Variants in NRG1 observed in about 807,000 individuals in gnomAD.
NRG1 encodes the protein pro-neuregulin-1, membrane-bound isoform.
NRG1 carries 18 observed loss-of-function variants against 63.8 expected under a neutral mutation model. That is an observed-to-expected ratio of 0.28 (90% confidence interval 0.19 to 0.42). The LOEUF is 0.42. Among genes scored for constraint, NRG1 ranks in the 10% least tolerant of loss-of-function variants. The pLI is 1.00. For synonymous variants in NRG1, 302 were observed against 301.3 expected, an observed-to-expected ratio of 1.00 and a Z score of -0.02; for missense variants, 762 against 814.7, an observed-to-expected ratio of 0.94 and a Z score of 0.79.
At chr8:31,948,161 A>G (rs1802922298) in intron 1 of NRG1, among the ~76,000 whole-genome samples, 1 of 152,080 alleles carries the variant, frequency 6.6e-6, no homozygotes, top group Admixed American at 6.5e-5. Context: ...TATTTACCAA[A>G]GCATCATATA....
intron 1 of NRG1, among the ~76,000 whole-genome samples, chr8:31,825,327 G>T (rs1005976025): frequency 1.3e-5 from 2 of 151,980 alleles, no homozygotes; most frequent in Non-Finnish European, 2.9e-5. Flanking sequence ...GGCGCAGCTT[G>T]CAGTGAGCGG....
intron 1 of NRG1, among the ~76,000 whole-genome samples, chr8:32,037,637 C>T (rs1185439488): frequency 6.6e-6 from 1 of 152,196 alleles, no homozygotes; most frequent in Non-Finnish European, 1.5e-5. Flanking sequence ...GCTGAAAATC[C>T]CACAGGGAGG....
At chr8:32,461,621 G>T (rs1187217002) in intron 1 of NRG1, among the ~76,000 whole-genome samples, 1 of 152,104 alleles carries the variant, frequency 6.6e-6, no homozygotes, top group Non-Finnish European at 1.5e-5. Flanking sequence ...GAACCTAGGA[G>T]GCGGAGGTTG....
At chr8:31,784,779 T>A (rs573403293) in intron 1 of NRG1, among the ~76,000 whole-genome samples, 1 of 152,240 alleles carries the variant, frequency 6.6e-6, no homozygotes, top group African/African-American at 2.4e-5. Flanking sequence ...AGAAAACTGG[T>A]TCTCCCTGGT....
At chr8:31,678,732 ATAT>A (rs1246043335) in intron 1 of NRG1, among the ~76,000 whole-genome samples, 11 of 148,240 alleles carry the variant, frequency 7.4e-5, no homozygotes, top group South Asian at 4.2e-4. Context: ...TTAAATATTT[ATAT>A]TATTAAATTT....
chr8:32,396,417 A>G (rs1812444764), intron 1 of NRG1, among the ~76,000 whole-genome samples: 1 of 152,090 alleles, frequency 6.6e-6, no homozygotes, highest in Non-Finnish European at 1.5e-5. Context: ...TCTTGTATAT[A>G]TTTTGTCAGA....
intron 5 of NRG1, among the ~76,000 whole-genome samples, chr8:32,618,916 A>G (rs1228997393): frequency 1.3e-5 from 2 of 152,104 alleles, no homozygotes; most frequent in Admixed American, 6.6e-5. Context: ...AACTTTGCAA[A>G]CATCTAGGGA....
intron 5 of NRG1, among the ~76,000 whole-genome samples, chr8:32,617,247 T>G (rs564913622): frequency 6.6e-6 from 1 of 152,338 alleles, no homozygotes; most frequent in East Asian, 1.9e-4. Flanking sequence ...AGCAACTGCC[T>G]GAGGCATGAT....
At position 32,065,526 on chromosome 8, in the gene NRG1, C is replaced by T. The variant is rs1824628488; in HGVS notation, c.37+426095C>T. Among the ~76,000 whole-genome samples the T allele has an allele frequency of 2.0e-5, 3 of 150,982 alleles. No homozygotes were observed. In the South Asian group the frequency reaches 6.2e-4, roughly 31 times the overall value. On this transcript the variant is annotated intron_variant, in intron 1 of 10. Transcript: ENST00000519301. ...GCTTCATCCATATCCCTACAAAGGA[C>T]ATGGCTGCATAGTATTCCATGGTGT...
chr8:32,132,225 G>A (rs889499245), intron 1 of NRG1, among the ~76,000 whole-genome samples: 2 of 152,038 alleles, frequency 1.3e-5, no homozygotes, highest in Non-Finnish European at 2.9e-5. Flanking sequence ...AACCTTGTGA[G>A]GTACGAATTA....
chr8:31,811,528 C>A (rs998029309), intron 1 of NRG1, among the ~76,000 whole-genome samples: 3 of 152,092 alleles, frequency 2.0e-5, no homozygotes, highest in African/African-American at 4.8e-5. Flanking sequence ...ATATATATGA[C>A]TTAAATTTTG....
intron 1 of NRG1, among the ~76,000 whole-genome samples, chr8:32,423,450 C>A (rs1816942089): frequency 6.6e-6 from 1 of 152,204 alleles, no homozygotes; most frequent in South Asian, 2.1e-4. Flanking sequence ...GGACTTCCAG[C>A]CTGGGCAACA....
intron 1 of NRG1, among the ~76,000 whole-genome samples, chr8:32,180,228 C>G (rs1841286117): frequency 6.6e-6 from 1 of 152,110 alleles, no homozygotes; most frequent in Admixed American, 6.6e-5. Context: ...ACATCTCATT[C>G]TCTACGCTTT....
At position 32,395,127 on chromosome 8, in the gene NRG1, T is replaced by C. The variant is rs1812277390; in HGVS notation, c.38-200701T>C. Among the ~76,000 whole-genome samples, 3 of 152,194 alleles carry C rather than the reference T, an allele frequency of 2.0e-5. No homozygotes were observed. The South Asian group carries it at 6.2e-4, about 31-fold the overall frequency. The stretch of plus-strand genomic sequence containing the variant: ...AATGGTGACCTTTTTCACGTCCCCT[T>C]CCTGTATATACAAAGTACTATGTGG... On this transcript the variant is annotated intron_variant, in intron 1 of 10. Coordinates refer to the NRG1 transcript ENST00000519301.
chr8:31,733,418 A>G (rs918871895), intron 1 of NRG1, among the ~76,000 whole-genome samples: 1 of 152,284 alleles, frequency 6.6e-6, no homozygotes, highest in African/African-American at 2.4e-5. Context: ...GGTATAAAAC[A>G]ATATGTGGTC....
intron 1 of NRG1, among the ~76,000 whole-genome samples, chr8:32,001,933 T>C (rs1403032933): frequency 6.6e-6 from 1 of 152,066 alleles, no homozygotes; most frequent in Non-Finnish European, 1.5e-5. Context: ...CATTCTGTAC[T>C]GTTTGGGAGG....
chr8:32,236,572 G>A (rs1452422400), intron 1 of NRG1, among the ~76,000 whole-genome samples: 1 of 152,064 alleles, frequency 6.6e-6, no homozygotes, highest in Non-Finnish European at 1.5e-5. Flanking sequence ...ATGGAAATGG[G>A]TTATTAGATC....
intron 1 of NRG1, among the ~76,000 whole-genome samples, chr8:31,941,168 A>C (rs1801692032): frequency 6.6e-6 from 1 of 152,154 alleles, no homozygotes; most frequent in Non-Finnish European, 1.5e-5. Context: ...AGTGAATTGA[A>C]TCCAACAGTA....
At chr8:31,896,939 A>T (rs1429522460) in intron 1 of NRG1, among the ~76,000 whole-genome samples, 1 of 152,186 alleles carries the variant, frequency 6.6e-6, no homozygotes, top group Non-Finnish European at 1.5e-5. Flanking sequence ...TTAGATCCTC[A>T]TGGGCTAACA....
Sources: allele counts gnomAD v4.1 joint callset (sites outside exome capture counted in the v4.1 genomes callset), GRCh38; gene constraint gnomAD v4.1.1; transcripts MANE v1.5; gene names NCBI Gene and HGNC (gene_info 2026-07-23, HGNC 2026-07-21).